Variants in EPC1 observed in about 807,000 individuals in gnomAD.
The protein encoded by EPC1 is enhancer of polycomb 1.
Under a neutral mutation model 98.4 loss-of-function variants are expected in EPC1, and 12 were observed. That is an observed-to-expected ratio of 0.12 (90% CI 0.08 to 0.20). The LOEUF is 0.20. EPC1 is among the 10% of genes least tolerant of loss of function. The pLI is 1.00. For synonymous variants in EPC1, 357 were observed against 363.9 expected, an observed-to-expected ratio of 0.98 and a Z score of 0.21; for missense variants, 729 against 990.5, an observed-to-expected ratio of 0.74 and a Z score of 3.54.
chr10:32,298,155 G>T (rs1226905511), intron 2 of EPC1, among the ~76,000 whole-genome samples: 2 of 152,154 alleles, frequency 1.3e-5, no homozygotes, highest in African/African-American at 4.8e-5. Context: ...TTAAAGTCTA[G>T]TAATAGATAT....
At chr10:32,320,131 T>C (rs1836807761) in intron 1 of EPC1, among the ~76,000 whole-genome samples, 1 of 151,802 alleles carries the variant, frequency 6.6e-6, no homozygotes, top group Admixed American at 6.6e-5. Flanking sequence ...ATGCTCTATG[T>C]ACTTACTACT....
At chr10:32,276,761 A>T (rs572488970) in intron 10 of EPC1, among the ~76,000 whole-genome samples, 1 of 152,220 alleles carries the variant, frequency 6.6e-6, no homozygotes, top group Non-Finnish European at 1.5e-5. Context: ...AATGGAAATA[A>T]GACAAAAATG....
chr10:32,307,268 C>G (rs1235272999), intron 1 of EPC1, among the ~76,000 whole-genome samples: 1 of 152,112 alleles, frequency 6.6e-6, no homozygotes, highest in African/African-American at 2.4e-5. Flanking sequence ...TACAAAGAAC[C>G]ACTCATGTAT....
At chr10:32,302,821 T>C (rs1564535337) in intron 2 of EPC1, among the ~76,000 whole-genome samples, 2 of 152,004 alleles carry the variant, frequency 1.3e-5, no homozygotes, top group Non-Finnish European at 2.9e-5. Context: ...CCTATTAGAA[T>C]AGGCTAGGAT....
At chr10:32,323,988 A>G (rs1331981109) in intron 1 of EPC1, among the ~76,000 whole-genome samples, 1 of 151,814 alleles carries the variant, frequency 6.6e-6, no homozygotes, top group Non-Finnish European at 1.5e-5. Context: ...CAGGCTGGAG[A>G]GCAGTGGCGC....
intron 1 of EPC1, among the ~76,000 whole-genome samples, chr10:32,326,340 G>A (rs1485828673): frequency 6.6e-6 from 1 of 152,116 alleles, no homozygotes. Context: ...TTAACTGTCA[G>A]TGAAAGATGT....
chr10:32,279,553 A>G (rs140468052), intron 10 of EPC1, among the ~76,000 whole-genome samples: 181 of 152,308 alleles, frequency 1.2e-3, no homozygotes, highest in African/African-American at 4.0e-3. Flanking sequence ...TTCTAACCAT[A>G]TATCTCTTAT....
At chr10:32,371,145 T>C (rs1217077269) in intron 1 of EPC1, among the ~76,000 whole-genome samples, 2 of 152,210 alleles carry the variant, frequency 1.3e-5, no homozygotes, top group Non-Finnish European at 2.9e-5. Flanking sequence ...TTCTGAAGTC[T>C]CATAACTTAA....
chr10:32,358,260 G>A (rs189754942), intron 1 of EPC1, among the ~76,000 whole-genome samples: 12 of 152,178 alleles, frequency 7.9e-5, no homozygotes, highest in African/African-American at 2.9e-4. Flanking sequence ...ATTTACTTAA[G>A]AATTACCCTC....
intron 11 of EPC1, 113 bp from the exon 12 acceptor site, chr10:32,272,280 C>T: frequency 1.2e-6 from 1 of 829,400 alleles, no homozygotes; most frequent in Non-Finnish European, 1.8e-6. Context: ...TGGCAAACCA[C>T]TGAAATCTTT....
At chr10:32,353,081 G>A (rs1482285720) in intron 1 of EPC1, among the ~76,000 whole-genome samples, 3 of 151,838 alleles carry the variant, frequency 2.0e-5, no homozygotes, top group Non-Finnish European at 4.4e-5. Context: ...CTTGAACCAA[G>A]GAGGCGGAGG....
chr10:32,351,800 G>A (rs545750017), upstream of EPC1, among the ~76,000 whole-genome samples: 158 of 147,030 alleles, frequency 1.1e-3, no homozygotes, highest in Non-Finnish European at 1.8e-3. Flanking sequence ...GCGTGATCTC[G>A]GCTCACTGCA....
At chr10:32,340,783 T>G (rs1264073480) in intron 1 of EPC1, among the ~76,000 whole-genome samples, 1 of 152,136 alleles carries the variant, frequency 6.6e-6, no homozygotes, top group Non-Finnish European at 1.5e-5. Flanking sequence ...TGAGCTATGA[T>G]CGTGTCACTG....
intron 1 of EPC1, among the ~76,000 whole-genome samples, chr10:32,364,894 G>T (rs2490519): frequency 0.54 from 79,313 of 147,070 alleles, 23,174 homozygotes; most frequent in East Asian, 0.7. Context: ...AATATTACGA[G>T]AATTTTTTCA....
At chr10:32,362,960 C>G (rs560251036) in intron 1 of EPC1, among the ~76,000 whole-genome samples, 3 of 152,312 alleles carry the variant, frequency 2.0e-5, no homozygotes, top group African/African-American at 7.2e-5. Flanking sequence ...GGTAAGCGAA[C>G]TCTGCAAGTA....
At chr10:32,365,184 G>C (rs1410321252) in intron 1 of EPC1, among the ~76,000 whole-genome samples, 1 of 152,158 alleles carries the variant, frequency 6.6e-6, no homozygotes, top group Non-Finnish European at 1.5e-5. Flanking sequence ...AGGATGGTTA[G>C]TAGAAGTAAC....
At position 32,293,067 on chromosome 10, in the gene EPC1, T is replaced by G. The variant is rs1834940724; in HGVS notation, c.587A>C (p.Gln196Pro). ...TGTGCTGGAACCATCTCGCTTCTCTTGTTTTACTGATGGAATAAGAGATGG... is the reference window on the plus strand; with the variant it reads ...TGTGCTGGAACCATCTCGCTTCTCTGGTTTTACTGATGGAATAAGAGATGG... ...RGPSLIPSVK[Q>P]EKRDGSSTND... The change falls in exon 4 of 14, where the codon CAA becomes CCA. Residue 196 changes from glutamine (Q) to proline (P), a missense_variant. By Grantham distance (76) the Gln-to-Pro change is moderately conservative. Coordinates refer to ENST00000319778, the MANE Select transcript of EPC1 (RefSeq NM_001272004.3). The G allele has an allele frequency of 1.2e-6, 2 of 1,613,444 alleles. No homozygotes were observed. Among genetic ancestry groups the G allele is most frequent in the African/African-American group, 2.7e-5 (2 of 74,918 alleles).
intron 1 of EPC1, among the ~76,000 whole-genome samples, chr10:32,329,741 C>A (rs539158390): frequency 7.2e-5 from 11 of 152,098 alleles, no homozygotes; most frequent in Non-Finnish European, 1.3e-4. Context: ...ATTACAGAGG[C>A]ATTAAGCTCC....
At chr10:32,360,108 G>T (rs1839398356) in intron 1 of EPC1, among the ~76,000 whole-genome samples, 1 of 151,874 alleles carries the variant, frequency 6.6e-6, no homozygotes, top group African/African-American at 2.4e-5. Context: ...TAGTAGTTTT[G>T]TATCATTCAT....
Sources: gnomAD v4.1 joint callset for allele counts (sites outside exome capture counted in the v4.1 genomes callset) on GRCh38, gnomAD v4.1.1 for gene constraint, MANE v1.5 for transcripts, NCBI Gene and HGNC (gene_info 2026-07-23, HGNC 2026-07-21) for gene names.